SVOPL: variants seen among roughly 807,000 people sequenced by gnomAD.
SVOPL encodes putative transporter SVOPL.
In SVOPL, 60 loss-of-function variants were observed where a neutral mutation model predicts 61.0. The observed-to-expected ratio is 0.98, with a 90% confidence interval of 0.80 to 1.22. The LOEUF is 1.22. SVOPL is among the 50% of genes most tolerant of loss of function. The pLI, the probability that SVOPL is intolerant of heterozygous loss-of-function variation, is 0.00. For missense variants in SVOPL, 662 were observed against 643.9 expected (o/e 1.03, Z -0.30); for synonymous variants, 279 against 250.0 (o/e 1.12, Z -1.09).
intron 1 of SVOPL, among the ~76,000 whole-genome samples, chr7:138,700,124 CA>C (rs1279186777): frequency 6.6e-6 from 1 of 152,136 alleles, no homozygotes; most frequent in Non-Finnish European, 1.5e-5. Context: ...CACTCAAACA[CA>C]AACTCAAAGT....
rs190453480 is a variant in SVOPL at position 138,656,269 on chromosome 7, T to C, written c.534+179A>G. On this transcript the variant is annotated intron_variant, in intron 7 of 15. Transcript: ENST00000674285. The stretch of plus-strand genomic sequence containing the variant: ...GCACACTTACTAGACTTTAGTATAG[T>C]GTAAACATAACATTTACATGCACTG... 2.0e-5 allele frequency among the ~76,000 whole-genome samples: 3 copies of C among 152,382 alleles called. No individual in the cohort carries two copies. In the East Asian group the frequency reaches 5.8e-4, roughly 29 times the overall value.
intron 9 of SVOPL, among the ~76,000 whole-genome samples, chr7:138,644,420 A>T (rs28460276): frequency 1.9e-3 from 282 of 152,302 alleles, no homozygotes; most frequent in African/African-American, 6.6e-3. Context: ...CAAGGCCAGT[A>T]CAAAAAAGAA....
At chr7:138,661,990 C>T (rs752686130) in intron 5 of SVOPL, 72 of 985,470 alleles carry the variant, frequency 7.3e-5, no homozygotes, top group Non-Finnish European at 8.1e-5. Flanking sequence ...GAACCCACTG[C>T]GTTCCCCTAA....
At chr7:138,644,342 T>C (rs554127085) in intron 9 of SVOPL, among the ~76,000 whole-genome samples, 51 of 151,918 alleles carry the variant, frequency 3.4e-4, no homozygotes, top group African/African-American at 1.2e-3. Flanking sequence ...ACCTACCTTA[T>C]AGAAACTATT....
intron 6 of SVOPL, among the ~76,000 whole-genome samples, chr7:138,659,606 T>A (rs1185029818): frequency 6.6e-6 from 1 of 152,126 alleles, no homozygotes; most frequent in Non-Finnish European, 1.5e-5. Context: ...CATGTATTAA[T>A]TGATGTGTTA....
chr7:138,620,066 T>C (rs1383154991), intron 14 of SVOPL, among the ~76,000 whole-genome samples: 1 of 151,092 alleles, frequency 6.6e-6, no homozygotes, highest in East Asian at 1.9e-4. Context: ...CTTTTTTTGC[T>C]ACAGCCAGGT....
chr7:138,699,964 C>T (rs1433637866), intron 1 of SVOPL, among the ~76,000 whole-genome samples: 1 of 152,166 alleles, frequency 6.6e-6, no homozygotes, highest in Non-Finnish European at 1.5e-5. Flanking sequence ...GTCCTCATTC[C>T]CACCCTATTA....
chr7:138,631,859 A>C (rs1800207743), intron 9 of SVOPL, among the ~76,000 whole-genome samples: 1 of 151,734 alleles, frequency 6.6e-6, no homozygotes, highest in Admixed American at 6.6e-5. Context: ...ATGTGCCACC[A>C]TGCCCGGCAG....
chr7:138,649,168 C>T, intron 7 of SVOPL, 31 bp from the exon 8 acceptor site: 1 of 1,547,990 alleles, frequency 6.5e-7, no homozygotes, highest in Non-Finnish European at 8.7e-7. Flanking sequence ...GATTAAAGTT[C>T]TTTGGGGAAT....
intron 1 of SVOPL, among the ~76,000 whole-genome samples, chr7:138,685,488 A>T (rs1802787171): frequency 6.6e-6 from 1 of 152,216 alleles, no homozygotes; most frequent in African/African-American, 2.4e-5. Flanking sequence ...TTTTGGCTAT[A>T]CAAGATGAAT....
At chr7:138,692,825 G>C (rs1354510412) in intron 1 of SVOPL, among the ~76,000 whole-genome samples, 2 of 152,140 alleles carry the variant, frequency 1.3e-5, no homozygotes, top group Non-Finnish European at 2.9e-5. Context: ...TATAAGACTT[G>C]ATTGTGGTTT....
intron 7 of SVOPL, among the ~76,000 whole-genome samples, chr7:138,651,381 C>G (rs893140081): frequency 4.6e-5 from 7 of 152,284 alleles, no homozygotes; most frequent in East Asian, 1.9e-4. Flanking sequence ...AAATAATAGA[C>G]AGTGTATCAA....
chr7:138,677,368 G>A (rs993462639), intron 3 of SVOPL, among the ~76,000 whole-genome samples: 1 of 152,070 alleles, frequency 6.6e-6, no homozygotes, highest in African/African-American at 2.4e-5. Context: ...CCTGTCTAAG[G>A]GGGCTGGGGA....
intron 3 of SVOPL, among the ~76,000 whole-genome samples, chr7:138,673,317 G>C (rs772606365): frequency 6.6e-6 from 1 of 152,158 alleles, no homozygotes; most frequent in Admixed American, 6.5e-5. Context: ...CAGATGGCCA[G>C]CTGGCAAGTT....
chr7:138,604,434 G>A (rs1798662946), intron 14 of SVOPL, among the ~76,000 whole-genome samples: 1 of 152,116 alleles, frequency 6.6e-6, no homozygotes, highest in African/African-American at 2.4e-5. Flanking sequence ...AGCACATTGG[G>A]AGGCCAAGGC....
chr7:138,599,152 A>AC (rs1563078144), intron 14 of SVOPL, among the ~76,000 whole-genome samples: 2 of 55,026 alleles, frequency 3.6e-5, no homozygotes, highest in African/African-American at 3.3e-4. Flanking sequence ...AAAAAAAAAA[A>AC]AAAAACCAAA....
chr7:138,631,664 G>T (rs779432994), intron 9 of SVOPL, among the ~76,000 whole-genome samples: 7 of 152,108 alleles, frequency 4.6e-5, no homozygotes, highest in Non-Finnish European at 7.3e-5. Context: ...TGCCTCCCAG[G>T]TTCAAGCAAT....
chr7:138,671,634 C>T (rs1802420372), intron 4 of SVOPL, among the ~76,000 whole-genome samples: 1 of 152,176 alleles, frequency 6.6e-6, no homozygotes, highest in Non-Finnish European at 1.5e-5. Context: ...AGGCATGAGC[C>T]ACTGCACCAG....
At chr7:138,599,296 G>T (rs1350092029) in intron 14 of SVOPL, among the ~76,000 whole-genome samples, 1 of 152,268 alleles carries the variant, frequency 6.6e-6, no homozygotes, top group East Asian at 1.9e-4. Context: ...AAATGTGGGG[G>T]TATAGGGAGT....
Sources: gnomAD v4.1 joint callset for allele counts (sites outside exome capture counted in the v4.1 genomes callset) on GRCh38, gnomAD v4.1.1 for gene constraint, MANE v1.5 for transcripts, NCBI Gene and HGNC (gene_info 2026-07-23, HGNC 2026-07-21) for gene names.